ZXDC: variants seen among roughly 807,000 people sequenced by gnomAD.
ZXDC encodes zinc finger protein ZXDC.
A neutral mutation model predicts 63.6 loss-of-function variants in ZXDC; 58 were observed. That is an observed-to-expected ratio of 0.91 (90% CI 0.74 to 1.13). The LOEUF (loss-of-function observed/expected upper bound fraction) is 1.13. ZXDC is among the 50% of genes most tolerant of loss of function. The pLI, the probability that ZXDC is intolerant of heterozygous loss-of-function variation, is 0.00. For missense variants in ZXDC, 1,133 were observed against 1,148.9 expected (o/e 0.99, Z 0.20); for synonymous variants, 561 against 496.1 (o/e 1.13, Z -1.74).
intron 6 of ZXDC, chr3:126,461,174 A>G (rs1934516256): frequency 9.9e-7 from 1 of 1,005,472 alleles, no homozygotes; most frequent in South Asian, 4.7e-5. Context: ...TTATGTCTCG[A>G]CTCCTCTTCT....
rs1454455412 is a variant in ZXDC at position 126,440,992 on chromosome 3, G to T, written c.2394+773C>A. ...CTGCAACCGCATCCCCTGCCACAGG[G>T]AATCTACAAAGTGGAGTGGTGAAGA... On this transcript the variant is annotated intron_variant, in intron 8 of 9. Coordinates refer to ENST00000389709, the MANE Select transcript of ZXDC (RefSeq NM_025112.5). 10 of 985,584 alleles carry T rather than the reference G, an allele frequency of 1.0e-5. No individual in the cohort carries two copies. In the South Asian group the frequency reaches 4.2e-4, roughly 42 times the overall value. The allele number at this position is 985,584 out of a possible 1,614,324, so 61.1% of individuals were successfully genotyped here.
intron 7 of ZXDC, chr3:126,454,052 A>G (rs1934214271): frequency 1.4e-6 from 1 of 716,800 alleles, no homozygotes; most frequent in African/African-American, 2.1e-5. Context: ...AGTACTACAC[A>G]TATATATATA....
chr3:126,460,529 T>C (rs1172239908), intron 6 of ZXDC: 2 of 985,200 alleles, frequency 2.0e-6, no homozygotes, highest in African/African-American at 3.5e-5. Flanking sequence ...GGAGCTTCCA[T>C]TTCCCAAGGC....
chr3:126,470,834 A>G, intron 4 of ZXDC, 61 bp downstream of exon 4: 1 of 1,594,028 alleles, frequency 6.3e-7, no homozygotes, highest in Non-Finnish European at 8.6e-7. Flanking sequence ...ACGGAAACTT[A>G]ACAGGATAAA....
chr3:126,459,745 C>G lies in ZXDC; in HGVS notation c.2128-8G>C. ...TGCTGAGCCCCCACTTTCCTGAGAC[C>G]AAAGAAAAGCATGTCAGTCACTTAT... On this transcript the variant is annotated splice_polypyrimidine_tract_variant and splice_region_variant and intron_variant, in intron 6 of 9. Transcript: ENST00000389709. 1 of 1,614,088 alleles carries G rather than the reference C, an allele frequency of 6.2e-7. No homozygotes were observed. Among genetic ancestry groups the G allele is most frequent in the Non-Finnish European group, 8.5e-7 (1 of 1,180,008 alleles).
At chr3:126,452,086 T>C (rs2107637470) in intron 7 of ZXDC, 1 of 985,398 alleles carries the variant, frequency 1.0e-6, no homozygotes, top group Non-Finnish European at 1.2e-6. Context: ...GGAAATGCCA[T>C]CTTTTCCACA....
rs151043948 is a variant in ZXDC, at chr3:126,440,509, A to T, written c.2395-782T>A. The T allele has an allele frequency of 9.5e-5, 94 of 985,566 alleles. No homozygotes were observed. In the African/African-American group the frequency reaches 1.3e-3, roughly 14 times the overall value. 61.1% of individuals were successfully genotyped at this position (985,566 alleles called of 1,614,324 possible). A position where few individuals can be genotyped will look rare whatever the true frequency, so the allele number is the denominator to read the frequency against. On this transcript the variant is annotated intron_variant, in intron 8 of 9. Coordinates refer to ENST00000389709, the MANE Select transcript of ZXDC (RefSeq NM_025112.5). ...GGCATCTCTTAAAAGTATACCCCCT[A>T]CTTGCTCCTGTTCTGCCGGTGGCAC...
rs1045254679 is a variant in ZXDC, at chr3:126,468,977, A to C, written c.1270+1918T>G. 2.6e-5 allele frequency among the ~76,000 whole-genome samples: 4 copies of C among 152,310 alleles called. No homozygotes were observed. In the South Asian group the frequency reaches 8.3e-4, roughly 32 times the overall value. On this transcript the variant is annotated intron_variant, in intron 4 of 9. Transcript: ENST00000389709. ...TTTAAGAAAATCTAACAGCAATCACAACAACGACAGTAACTGACATATATA... is the reference window on the plus strand; with the variant it reads ...TTTAAGAAAATCTAACAGCAATCACCACAACGACAGTAACTGACATATATA...
At chr3:126,448,839 C>G (rs555580234) in intron 7 of ZXDC, among the ~76,000 whole-genome samples, 134 of 152,378 alleles carry the variant, frequency 8.8e-4, no homozygotes, top group African/African-American at 3.0e-3. Context: ...TAATCTCCCC[C>G]TAATGTTCCC....
At chr3:126,462,331 T>G in intron 5 of ZXDC, 111 bp from the exon 6 acceptor site, 1 of 1,452,142 alleles carries the variant, frequency 6.9e-7, no homozygotes. Context: ...CTGACTGTCC[T>G]CTTCCCACAC....
intron 5 of ZXDC, among the ~76,000 whole-genome samples, chr3:126,464,459 G>C (rs1205323482): frequency 6.6e-6 from 1 of 152,214 alleles, no homozygotes; most frequent in African/African-American, 2.4e-5. Flanking sequence ...GTTCTCGAGT[G>C]CCTGTTTTTC....
chr3:126,447,320 T>G (rs1933919754), intron 7 of ZXDC, among the ~76,000 whole-genome samples: 1 of 152,250 alleles, frequency 6.6e-6, no homozygotes, highest in South Asian at 2.1e-4. Context: ...CATATTTTAT[T>G]ACTTTTACTG....
chr3:126,474,955 T>C lies in ZXDC; in HGVS notation c.907+4A>G, dbSNP rs1935126169. 4 of 1,562,352 alleles carry C rather than the reference T, an allele frequency of 2.6e-6. No individual in the cohort carries two copies. The highest frequency in any genetic ancestry group is 1.4e-5 in the African/African-American group (1 of 73,984). On this transcript the variant is annotated splice_donor_region_variant and intron_variant, in intron 1 of 9. Transcript: ENST00000389709. ...AGCCCGCCCGCCCCCGAGAGCGCGG[T>C]TACCGGGAAAGTCACACTTGTAAGG...
chr3:126,453,427 T>A (rs1934187748), intron 7 of ZXDC: 3 of 985,496 alleles, frequency 3.0e-6, no homozygotes, highest in Non-Finnish European at 2.4e-6. Flanking sequence ...GACTCTGTTC[T>A]GATAGGAAGA....
intron 7 of ZXDC, chr3:126,457,353 C>T: frequency 1.0e-6 from 1 of 985,442 alleles, no homozygotes; most frequent in Non-Finnish European, 1.2e-6. Flanking sequence ...TCTAAAACCA[C>T]AGCAGACCCA....
intron 1 of ZXDC, among the ~76,000 whole-genome samples, chr3:126,473,778 T>C (rs894756657): frequency 3.3e-5 from 5 of 152,222 alleles, no homozygotes; most frequent in Admixed American, 1.3e-4. Flanking sequence ...CGTGTGCATA[T>C]ACAGGTTAGG....
chr3:126,455,577 G>A (rs1343005507), intron 7 of ZXDC, among the ~76,000 whole-genome samples: 2 of 152,174 alleles, frequency 1.3e-5, no homozygotes, highest in Non-Finnish European at 2.9e-5. Context: ...CAAAAAGCCA[G>A]GATGGAGAAT....
chr3:126,455,726 G>A (rs1200822311), intron 7 of ZXDC, among the ~76,000 whole-genome samples: 3 of 152,184 alleles, frequency 2.0e-5, no homozygotes, highest in Non-Finnish European at 4.4e-5. Context: ...GGCCGGGCAT[G>A]GTGGCTCACG....
chr3:126,460,506 G>A (rs1576678857), intron 6 of ZXDC: 1 of 961,506 alleles, frequency 1.0e-6, no homozygotes, highest in South Asian at 4.8e-5. Flanking sequence ...ACCCACAGCT[G>A]CAGCTGCACC....
Sources: allele counts gnomAD v4.1 joint callset (sites outside exome capture counted in the v4.1 genomes callset), GRCh38; gene constraint gnomAD v4.1.1; transcripts MANE v1.5; gene names NCBI Gene and HGNC (gene_info 2026-07-23, HGNC 2026-07-21).